GPATCH2: variants seen among roughly 807,000 people sequenced by gnomAD.
GPATCH2 encodes the protein G-patch domain containing 2.
GPATCH2 carries 51 observed loss-of-function variants against 58.0 expected under a neutral mutation model. That is an observed-to-expected ratio of 0.88 (90% CI 0.70 to 1.11). The LOEUF is 1.11. Ranked by LOEUF, GPATCH2 falls within the 50% of genes most tolerant of loss-of-function variation. The pLI is 0.00. For synonymous variants in GPATCH2, 222 were observed against 218.5 expected (o/e 1.02, Z -0.14); for missense variants, 625 against 652.2 (o/e 0.96, Z 0.45).
chr1:217,548,875 T>C (rs978647976), intron 5 of GPATCH2, among the ~76,000 whole-genome samples: 2 of 152,204 alleles, frequency 1.3e-5, no homozygotes, highest in Non-Finnish European at 2.9e-5. Context: ...AATGTGGAAC[T>C]GTGAGTCAAT....
In GPATCH2 at chr1:217,586,052, T is replaced by C. The variant is rs554528137; in HGVS notation, c.1098+24269A>G. Among the ~76,000 whole-genome samples the C allele has an allele frequency of 2.6e-5, 4 of 152,342 alleles. No individual in the cohort carries two copies. In the South Asian group the frequency reaches 8.3e-4, roughly 32 times the overall value. The stretch of plus-strand genomic sequence containing the variant: ...CACTTACCATGAATGGAGCTTGCAG[T>C]ACTGGAAGTTGCTCTGGGTTAGTGA... On this transcript the variant is annotated intron_variant, in intron 5 of 9. Transcript: ENST00000366935.
chr1:217,447,371 C>T (rs1286669578), intron 9 of GPATCH2, among the ~76,000 whole-genome samples: 15 of 152,144 alleles, frequency 9.9e-5, no homozygotes. Flanking sequence ...GCTGTAAGTA[C>T]ATTGCTATGG....
intron 5 of GPATCH2, among the ~76,000 whole-genome samples, chr1:217,591,083 T>C (rs1667568529): frequency 6.6e-6 from 1 of 152,114 alleles, no homozygotes; most frequent in Non-Finnish European, 1.5e-5. Context: ...GTCACCAAGA[T>C]CATATTAGAA....
chr1:217,579,502 A>T (rs539888752), intron 5 of GPATCH2, among the ~76,000 whole-genome samples: 2 of 152,304 alleles, frequency 1.3e-5, no homozygotes, highest in Admixed American at 1.3e-4. Context: ...AATGAAAGAT[A>T]TATTTTAATT....
At chr1:217,471,553 A>C (rs1184515227) in intron 8 of GPATCH2, among the ~76,000 whole-genome samples, 2 of 152,298 alleles carry the variant, frequency 1.3e-5, no homozygotes, top group African/African-American at 4.8e-5. Flanking sequence ...CTGTAACTCT[A>C]TCTGTTACAT....
At chr1:217,603,346 G>A (rs1668198385) in intron 5 of GPATCH2, among the ~76,000 whole-genome samples, 1 of 151,912 alleles carries the variant, frequency 6.6e-6, no homozygotes, top group Non-Finnish European at 1.5e-5. Flanking sequence ...TTTCCTAAAG[G>A]GTTTTCAAGA....
intron 5 of GPATCH2, among the ~76,000 whole-genome samples, chr1:217,587,423 A>C (rs1667392337): frequency 6.6e-6 from 1 of 152,154 alleles, no homozygotes; most frequent in African/African-American, 2.4e-5. Flanking sequence ...TAAATTTTTA[A>C]AAATTAAATC....
At chr1:217,449,015 T>C (rs1412068377) in intron 9 of GPATCH2, among the ~76,000 whole-genome samples, 2 of 152,194 alleles carry the variant, frequency 1.3e-5, no homozygotes, top group Admixed American at 6.5e-5. Context: ...ATCCTTTTAA[T>C]ACCTTACACG....
Position 217,507,213 on chromosome 1 carries a change from G to C in GPATCH2, c.1166+7609C>G, listed in dbSNP as rs546718652. 2.4e-4 allele frequency among the ~76,000 whole-genome samples: 36 copies of C among 152,252 alleles called. 1 individual carries two copies. The South Asian group carries it at 7.5e-3, about 32-fold the overall frequency. On this transcript the variant is annotated intron_variant, in intron 6 of 9. Coordinates refer to ENST00000366935, the MANE Select transcript of GPATCH2 (RefSeq NM_018040.5). ...TGGTTGCTATGCTGTTCTATATGAAGGTAAAAGAATGAGAACACTGGGCTG... is the reference window on the plus strand; with the variant it reads ...TGGTTGCTATGCTGTTCTATATGAACGTAAAAGAATGAGAACACTGGGCTG...
chr1:217,456,700 G>T (rs1327913776), intron 8 of GPATCH2, among the ~76,000 whole-genome samples: 1 of 152,152 alleles, frequency 6.6e-6, no homozygotes, highest in African/African-American at 2.4e-5. Context: ...GATTAACAGA[G>T]AGGGTTACCC....
At chr1:217,542,199 A>G (rs1168651615) in intron 5 of GPATCH2, among the ~76,000 whole-genome samples, 1 of 152,174 alleles carries the variant, frequency 6.6e-6, no homozygotes. Context: ...TATTCCTTCT[A>G]CTAATAATAA....
At position 217,518,961 on chromosome 1, in the gene GPATCH2, C is replaced by T. The variant is rs375126386; in HGVS notation, c.1099-4072G>A. Among the ~76,000 whole-genome samples the T allele has an allele frequency of 4.6e-5, 7 of 152,280 alleles. No individual in the cohort carries two copies. In the East Asian group the frequency reaches 1.2e-3, roughly 25 times the overall value. Reference sequence around the variant, plus strand: ...GTCGGGAGGCACTGCCTCAGCCTCCCGGCCAGTTTGTCAAGACCCAGAGGT... The same window carrying T: ...GTCGGGAGGCACTGCCTCAGCCTCCTGGCCAGTTTGTCAAGACCCAGAGGT... On this transcript the variant is annotated intron_variant, in intron 5 of 9. Transcript: ENST00000366935.
intron 9 of GPATCH2, among the ~76,000 whole-genome samples, chr1:217,436,716 T>A (rs979628347): frequency 1.2e-4 from 18 of 152,194 alleles, no homozygotes; most frequent in Admixed American, 7.9e-4. Context: ...ATAATTTCTT[T>A]TGATCTTATC....
At chr1:217,615,229 A>AT (rs1415900395) in intron 2 of GPATCH2, among the ~76,000 whole-genome samples, 2 of 152,036 alleles carry the variant, frequency 1.3e-5, no homozygotes, top group Non-Finnish European at 2.9e-5. Flanking sequence ...ATTCACATAC[A>AT]TTTTCTGAAT....
rs962040978 is a variant in GPATCH2, at chr1:217,595,703, C to A, written c.1098+14618G>T. On this transcript the variant is annotated intron_variant, in intron 5 of 9. Coordinates refer to ENST00000366935, the MANE Select transcript of GPATCH2 (RefSeq NM_018040.5). ...TTAGTAGAGAAAGGGTTTTGCCATG[C>A]TGGCCAGGCTGGTCTCGAACTCCTG... 3.9e-5 allele frequency among the ~76,000 whole-genome samples: 6 copies of A among 152,016 alleles called. No homozygotes were observed. In the East Asian group the frequency reaches 1.2e-3, roughly 29 times the overall value.
At chr1:217,497,542 C>T (rs964954391) in intron 7 of GPATCH2, among the ~76,000 whole-genome samples, 1 of 152,054 alleles carries the variant, frequency 6.6e-6, no homozygotes, top group African/African-American at 2.4e-5. Flanking sequence ...AGCTGTGAAC[C>T]TGCTGCTCAG....
intron 5 of GPATCH2, among the ~76,000 whole-genome samples, chr1:217,576,786 A>C (rs1406488657): frequency 6.6e-6 from 1 of 152,242 alleles, no homozygotes; most frequent in Non-Finnish European, 1.5e-5. Context: ...TCAAGGAGTC[A>C]TCAAGAAAAC....
intron 8 of GPATCH2, among the ~76,000 whole-genome samples, chr1:217,456,272 C>T: frequency 6.6e-6 from 1 of 152,176 alleles, no homozygotes; most frequent in East Asian, 1.9e-4. Context: ...CTAGATGCTA[C>T]TGTGGGGCCA....
chr1:217,434,675 G>T (rs1018940475), intron 9 of GPATCH2, among the ~76,000 whole-genome samples: 1 of 152,088 alleles, frequency 6.6e-6, no homozygotes, highest in Non-Finnish European at 1.5e-5. Flanking sequence ...AAACAGTAAG[G>T]CCAATTTAAA....
Sources: gnomAD v4.1 joint callset for allele counts (sites outside exome capture counted in the v4.1 genomes callset) on GRCh38, gnomAD v4.1.1 for gene constraint, MANE v1.5 for transcripts, NCBI Gene and HGNC (gene_info 2026-07-23, HGNC 2026-07-21) for gene names.